The following LCP2 variants were observed in gnomAD, a reference collection of about 807,000 sequenced individuals.
LCP2 encodes lymphocyte cytosolic protein 2.
LCP2 carries 29 observed loss-of-function variants against 74.5 expected under a neutral mutation model. The ratio of observed to expected loss-of-function variants is 0.39; its 90% CI spans 0.29 to 0.53. The LOEUF is 0.53. Among genes scored for constraint, LCP2 ranks in the 20% least tolerant of loss-of-function variants. LCP2 has a pLI of 0.72. For missense variants in LCP2, 604 were observed against 634.6 expected (o/e 0.95, Z 0.52); for synonymous variants, 228 against 229.5 (o/e 0.99, Z 0.06).
intron 14 of LCP2, among the ~76,000 whole-genome samples, chr5:170,260,299 G>A (rs746942635): frequency 3.3e-5 from 5 of 152,160 alleles, no homozygotes; most frequent in South Asian, 2.1e-4. Flanking sequence ...GCACTTCATC[G>A]GAACAAGCAC....
At position 170,297,586 on chromosome 5, in the gene LCP2, C is replaced by T. The variant is rs1254716876; in HGVS notation, c.26G>A (p.Arg9His). The part of the protein sequence containing the change: MALRNVPF[R>H]SEVLGWDPDS... Reference sequence around the variant, plus strand: ...GGGGTCCCAGCCCAGGACCTCTGAGCGAAAGGGCACATTCCTCAGTGCCAT... The same window carrying T: ...GGGGTCCCAGCCCAGGACCTCTGAGTGAAAGGGCACATTCCTCAGTGCCAT... Residue 9 changes from arginine (R) to histidine (H), a missense_variant, in exon 1 of 21, where the codon CGC (arginine) becomes CAC (histidine). By Grantham distance (29) the Arg-to-His change is conservative. Transcript: ENST00000046794. 21 of 1,612,520 alleles carry T rather than the reference C, an allele frequency of 1.3e-5. No individual in the cohort carries two copies. Among genetic ancestry groups the T allele is most frequent in the South Asian group, 6.6e-5 (6 of 90,620 alleles).
At chr5:170,289,140 C>T (rs1762234163) in intron 2 of LCP2, among the ~76,000 whole-genome samples, 1 of 152,018 alleles carries the variant, frequency 6.6e-6, no homozygotes, top group South Asian at 2.1e-4. Context: ...AAAATGGGGA[C>T]CATAATAATA....
At chr5:170,263,847 CT>C (rs1314573498) in intron 10 of LCP2, among the ~76,000 whole-genome samples, 1 of 152,162 alleles carries the variant, frequency 6.6e-6, no homozygotes, top group Admixed American at 6.5e-5. Context: ...GACTAAAACT[CT>C]ATAGGTTTGC....
intron 14 of LCP2, among the ~76,000 whole-genome samples, chr5:170,260,834 G>A (rs571222083): frequency 2.6e-5 from 4 of 152,316 alleles, no homozygotes; most frequent in Admixed American, 2.6e-4. Flanking sequence ...CTTGTGCCCT[G>A]TAATTACCGG....
In LCP2 at chr5:170,288,059, A is replaced by G. The variant is rs777902977; in HGVS notation, c.142-43T>C. ...ATGGCAGGCAGGTTACAACCCACAGAAAGGGCTCTGAGCAGGAGGGGAAGA... is the reference window on the plus strand; with the variant it reads ...ATGGCAGGCAGGTTACAACCCACAGGAAGGGCTCTGAGCAGGAGGGGAAGA... On this transcript the variant is annotated intron_variant, in intron 2 of 20. Coordinates refer to ENST00000046794, the MANE Select transcript of LCP2 (RefSeq NM_005565.5). 32 of 1,589,508 alleles carry G rather than the reference A, an allele frequency of 2.0e-5. 1 individual carries two copies. Among genetic ancestry groups the G allele is most frequent in the Middle Eastern group, 3.3e-4 (2 of 6,020 alleles).
intron 1 of LCP2, among the ~76,000 whole-genome samples, chr5:170,296,341 C>A (rs1397234027): frequency 1.3e-5 from 2 of 152,090 alleles, no homozygotes; most frequent in Non-Finnish European, 2.9e-5. Context: ...CCTACCATAC[C>A]ACACCTAGTT....
At chr5:170,282,551 C>T (rs1177792652) in intron 3 of LCP2, among the ~76,000 whole-genome samples, 1 of 152,176 alleles carries the variant, frequency 6.6e-6, no homozygotes, top group Admixed American at 6.5e-5. Context: ...CACTCCAAAA[C>T]CCTATGTCCT....
chr5:170,269,054 T>G (rs1761841324), intron 7 of LCP2, among the ~76,000 whole-genome samples: 1 of 152,184 alleles, frequency 6.6e-6, no homozygotes, highest in Non-Finnish European at 1.5e-5. Flanking sequence ...CCCTCTCCAG[T>G]GTCCTGGGCT....
chr5:170,253,646 AGAT>A (rs201033318), intron 17 of LCP2, among the ~76,000 whole-genome samples: 4,285 of 152,302 alleles, frequency 0.028, 163 homozygotes, highest in African/African-American at 0.088. Flanking sequence ...GCAATGATGA[AGAT>A]AATTATGTTC....
At chr5:170,285,280 A>G (rs1762165898) in intron 3 of LCP2, among the ~76,000 whole-genome samples, 1 of 152,164 alleles carries the variant, frequency 6.6e-6, no homozygotes, top group South Asian at 2.1e-4. Flanking sequence ...AACTTCTAGA[A>G]CACATGAAAT....
intron 2 of LCP2, among the ~76,000 whole-genome samples, chr5:170,289,418 T>C (rs945251817): frequency 6.6e-6 from 1 of 152,132 alleles, no homozygotes; most frequent in South Asian, 2.1e-4. Context: ...GCACAGAGGC[T>C]GGGGCTAGGG....
intron 19 of LCP2, chr5:170,251,323 A>T (rs1376057384): frequency 5.1e-6 from 1 of 194,398 alleles, no homozygotes; most frequent in Non-Finnish European, 1.1e-5. Flanking sequence ...TCCACATGCC[A>T]TGAAATTCAC....
At chr5:170,293,081 TG>T (rs1762317002) in intron 2 of LCP2, among the ~76,000 whole-genome samples, 1 of 152,180 alleles carries the variant, frequency 6.6e-6, no homozygotes, top group South Asian at 2.1e-4. Flanking sequence ...CCAGATTATT[TG>T]TTTACTATAC....
At chr5:170,273,999 A>G in intron 6 of LCP2, 1 of 421,590 alleles carries the variant, frequency 2.4e-6, no homozygotes, top group South Asian at 2.5e-5. Flanking sequence ...CGTGCAGCCT[A>G]CCCTCTGTGT....
At chr5:170,293,807 T>G (rs1251363458) in intron 1 of LCP2, among the ~76,000 whole-genome samples, 4 of 152,236 alleles carry the variant, frequency 2.6e-5, no homozygotes, top group Non-Finnish European at 4.4e-5. Context: ...ATTCTGACTT[T>G]TTTCTCTTAA....
intron 6 of LCP2, chr5:170,274,011 T>A: frequency 2.2e-6 from 1 of 449,462 alleles, no homozygotes; most frequent in Non-Finnish European, 4.1e-6. Flanking sequence ...CCTCTGTGTT[T>A]GCAAATGAAG....
At chr5:170,292,616 A>G (rs897355927) in intron 2 of LCP2, among the ~76,000 whole-genome samples, 1 of 152,180 alleles carries the variant, frequency 6.6e-6, no homozygotes, top group African/African-American at 2.4e-5. Flanking sequence ...TCTTATTTTC[A>G]AAGAGTAAAG....
At chr5:170,253,365 A>T (rs1377619847) in intron 17 of LCP2, among the ~76,000 whole-genome samples, 152 bp from the exon 18 acceptor site, 1 of 152,222 alleles carries the variant, frequency 6.6e-6, no homozygotes, top group East Asian at 1.9e-4. Flanking sequence ...CTTCAAAAAT[A>T]ATTTTCATCT....
chr5:170,276,241 G>T (rs1000923274), intron 3 of LCP2, among the ~76,000 whole-genome samples: 2 of 152,114 alleles, frequency 1.3e-5, no homozygotes, highest in Non-Finnish European at 2.9e-5. Flanking sequence ...ACTATTCCTG[G>T]GGCTGAGGTC....
Sources: allele counts gnomAD v4.1 joint callset (sites outside exome capture counted in the v4.1 genomes callset), GRCh38; gene constraint gnomAD v4.1.1; transcripts MANE v1.5; gene names NCBI Gene and HGNC (gene_info 2026-07-23, HGNC 2026-07-21).